Variants in PLAT observed in about 807,000 individuals in gnomAD.
The protein encoded by PLAT is tissue-type plasminogen activator.
Under a neutral mutation model 74.9 loss-of-function variants are expected in PLAT, and 48 were observed. The observed-to-expected ratio is 0.64, with a 90% CI of 0.51 to 0.82. PLAT has a LOEUF of 0.82. Ranked by LOEUF, PLAT falls within the 40% of genes least tolerant of loss-of-function variation. The pLI is 0.00. For missense variants in PLAT, 673 were observed against 736.2 expected, an observed-to-expected ratio of 0.91 and a Z score of 0.99; for synonymous variants, 307 against 294.4, an observed-to-expected ratio of 1.04 and a Z score of -0.44.
chr8:42,189,639 C>T (rs1029396182), intron 3 of PLAT, among the ~76,000 whole-genome samples: 3 of 151,490 alleles, frequency 2.0e-5, no homozygotes, highest in Non-Finnish European at 4.4e-5. Context: ...CACTCTGTCG[C>T]CCAGGCTGGA....
intron 1 of PLAT, among the ~76,000 whole-genome samples, chr8:42,194,909 T>C (rs1430412663): frequency 2.6e-5 from 4 of 151,952 alleles, no homozygotes; most frequent in Non-Finnish European, 2.9e-5. Flanking sequence ...GTCGGAAGAC[T>C]CAGATCTTCC....
chr8:42,191,419 G>T lies in PLAT; in HGVS notation c.73-5C>A. On this transcript the variant is annotated splice_region_variant and splice_polypyrimidine_tract_variant and intron_variant, in intron 2 of 13. Transcript: ENST00000220809. ...TCTGAATCGGGCATGGATTTCCTGCGAAGAAACCAGAGGTGGAGGAAGGAT... is the reference window on the plus strand; with the variant it reads ...TCTGAATCGGGCATGGATTTCCTGCTAAGAAACCAGAGGTGGAGGAAGGAT... 6.2e-7 allele frequency: 1 copy of T among 1,613,932 alleles called. No individual in the cohort carries two copies. The highest frequency in any genetic ancestry group is 8.5e-7 in the Non-Finnish European group (1 of 1,179,826).
intron 1 of PLAT, among the ~76,000 whole-genome samples, chr8:42,201,621 T>C (rs1482040533): frequency 6.6e-6 from 1 of 152,196 alleles, no homozygotes; most frequent in African/African-American, 2.4e-5. Context: ...TAGAACAGTA[T>C]CAACAGGAGC....
chr8:42,184,012 C>A (rs531286753), intron 7 of PLAT, among the ~76,000 whole-genome samples: 6 of 152,152 alleles, frequency 3.9e-5, no homozygotes, highest in Non-Finnish European at 7.4e-5. Context: ...ACAATCATTG[C>A]TCACTGTGGC....
chr8:42,182,089 G>T (rs3747810), intron 8 of PLAT, 67 bp from the exon 9 acceptor site: 83 of 981,670 alleles, frequency 8.5e-5, no homozygotes, highest in Non-Finnish European at 1.2e-4. Flanking sequence ...TAGAGATGGG[G>T]TCTTGCCATG....
intron 1 of PLAT, among the ~76,000 whole-genome samples, chr8:42,205,729 A>G (rs990622581): frequency 1.3e-5 from 2 of 152,150 alleles, no homozygotes; most frequent in Admixed American, 1.3e-4. Context: ...TCTTACATAC[A>G]TTGATTAATG....
rs764826571 is a variant in PLAT, at chr8:42,188,008, C to T, written c.262G>A (p.Glu88Lys). The T allele has an allele frequency of 4.9e-5, 78 of 1,606,880 alleles. No homozygotes were observed. The highest frequency in any genetic ancestry group is 4.0e-4 in the Admixed American group (24 of 59,910). The change falls in exon 5 of 14, where the codon GAG (glutamate) becomes AAG (lysine). Residue 88 changes from glutamate to lysine, a missense_variant. Coordinates refer to ENST00000220809, the MANE Select transcript of PLAT (RefSeq NM_000930.5). Reference sequence around the variant, plus strand: ...GTGCCCCCGTTGAAACACCTTGGCTCGCTGCAACCTGTCAAGTATAAAAAA... The same window carrying T: ...GTGCCCCCGTTGAAACACCTTGGCTTGCTGCAACCTGTCAAGTATAAAAAA... ...CHSVPVKSCS[E>K]PRCFNGGTCQ...
At chr8:42,187,117 A>G (rs1286668144) in intron 6 of PLAT, 5 of 334,740 alleles carry the variant, frequency 1.5e-5, no homozygotes, top group African/African-American at 8.3e-5. Flanking sequence ...TCTATCATCT[A>G]TCTATCACCT....
At chr8:42,181,812 A>T in intron 9 of PLAT, 125 bp downstream of exon 9, 2 of 183,792 alleles carry the variant, frequency 1.1e-5, no homozygotes, top group South Asian at 9.5e-5. Flanking sequence ...CCCCCTCCCC[A>T]CCCAGCCTGG....
rs1804962007 is a variant in PLAT, at chr8:42,176,098, C to T, written c.1584G>A (p.Val528=). 1 of 1,613,946 alleles carries T rather than the reference C, an allele frequency of 6.2e-7. No individual in the cohort carries two copies. The highest frequency in any genetic ancestry group is 8.5e-7 in the Non-Finnish European group (1 of 1,179,894). Residue 528 remains valine, a synonymous_variant, in exon 14 of 14, where the codon GTG becomes GTA. Coordinates refer to ENST00000220809, the MANE Select transcript of PLAT (RefSeq NM_000930.5). ...VCLNDGRMTL[V]GIISWGLGCG... ...AGCCCAGGCCCCAGCTGATGATGCCCACCAAAGTCATGCGGCCATCGTTCA... is the reference window on the plus strand; with the variant it reads ...AGCCCAGGCCCCAGCTGATGATGCCTACCAAAGTCATGCGGCCATCGTTCA...
intron 8 of PLAT, 104 bp downstream of exon 8, chr8:42,182,615 G>T: frequency 3.8e-6 from 3 of 796,144 alleles, no homozygotes; most frequent in South Asian, 3.5e-5. Flanking sequence ...TGCTTCCCAC[G>T]CACTGGGTCT....
In PLAT at chr8:42,191,091, GC is replaced by G. The variant is rs8178736; in HGVS notation, c.115+280del. On this transcript the variant is annotated intron_variant, in intron 3 of 13. Transcript: ENST00000220809. ...TAACCAGGACCTTGGGCCAGTGGCC[GC>G]CCCCCCCAGCCCCCGCTAGGTTGTG... 3.4e-3 allele frequency among the ~76,000 whole-genome samples: 521 copies of G among 151,766 alleles called. 4 individuals carry two copies. The highest frequency in any genetic ancestry group is 0.011 in the African/African-American group (470 of 41,358).
chr8:42,177,721 T>C (rs1041283208), intron 13 of PLAT, among the ~76,000 whole-genome samples: 1 of 152,238 alleles, frequency 6.6e-6, no homozygotes, highest in African/African-American at 2.4e-5. Context: ...AGATAGATAA[T>C]GGTTTCACTT....
At chr8:42,196,870 G>A (rs1426626178) in intron 1 of PLAT, among the ~76,000 whole-genome samples, 1 of 150,962 alleles carries the variant, frequency 6.6e-6, no homozygotes, top group Non-Finnish European at 1.5e-5. Context: ...AAGGAAGGAA[G>A]GGGGTAGGAA....
In PLAT at chr8:42,202,947, G is replaced by T. The variant is rs1022726695; in HGVS notation, c.-27+4547C>A. ...ACGGCTTGGCTCTGGGCCACAGCAA[G>T]CACAGAGCCCCCTACCCATCAGCAC... On this transcript the variant is annotated intron_variant, in intron 1 of 13. Coordinates refer to ENST00000220809, the MANE Select transcript of PLAT (RefSeq NM_000930.5). Among the ~76,000 whole-genome samples, 3 of 152,140 alleles carry T rather than the reference G, an allele frequency of 2.0e-5. No individual in the cohort carries two copies. The South Asian group carries it at 6.2e-4, about 32-fold the overall frequency.
chr8:42,176,378 T>C (rs1804975425), intron 13 of PLAT, among the ~76,000 whole-genome samples: 2 of 152,288 alleles, frequency 1.3e-5, no homozygotes, highest in Admixed American at 6.5e-5. Flanking sequence ...TCCTTCCACA[T>C]CCCAAAGCTT....
chr8:42,200,029 A>G (rs535492582), intron 1 of PLAT, among the ~76,000 whole-genome samples: 1 of 152,332 alleles, frequency 6.6e-6, no homozygotes, highest in African/African-American at 2.4e-5. Flanking sequence ...TCATTGTATC[A>G]TTATATGACT....
rs1447686749 is a variant in PLAT at position 42,194,231 on chromosome 8, AGAGAGAGAGAGTGTGT to A, written c.-26-1036_-26-1021del. Among the ~76,000 whole-genome samples the A allele has an allele frequency of 4.1e-3, 279 of 68,502 alleles. 1 individual carries two copies. Among genetic ancestry groups the A allele is most frequent in the African/African-American group, 9.8e-3 (258 of 26,346 alleles). 44.9% of individuals were successfully genotyped at this position (68,502 alleles called of 152,430 possible). On this transcript the variant is annotated intron_variant, in intron 1 of 13. Transcript: ENST00000220809. Reference sequence around the variant, plus strand: ...GTGCCTGGCTGAGAGAGAGAGAGAGAGAGAGAGAGAGTGTGTGTGTGTGTGTGTGTGTGTGTGTGTG... The same window carrying A: ...GTGCCTGGCTGAGAGAGAGAGAGAGAGTGTGTGTGTGTGTGTGTGTGTGTG...
chr8:42,193,170 T>C lies in PLAT; in HGVS notation c.16A>G (p.Arg6Gly), dbSNP rs1805751751. The change falls in exon 2 of 14, where the codon AGA becomes GGA. Residue 6 changes from arginine to glycine, a missense_variant. Physicochemically the swap from Arg to Gly is moderately radical, Grantham distance 125 (BLOSUM62 -2). Transcript: ENST00000220809. MDAMKRGLCCVLLLCG... is the reference protein window; with the variant it reads MDAMKGGLCCVLLLCG... ...AGCAGCAGCACACAGCAGAGCCCTC[T>C]CTTCATTGCATCCATGATTGCTTCA... The C allele has an allele frequency of 6.2e-7, 1 of 1,613,788 alleles. No individual in the cohort carries two copies. Among genetic ancestry groups the C allele is most frequent in the Non-Finnish European group, 8.5e-7 (1 of 1,179,838 alleles).
Sources: gnomAD v4.1 joint callset for allele counts (sites outside exome capture counted in the v4.1 genomes callset) on GRCh38, gnomAD v4.1.1 for gene constraint, MANE v1.5 for transcripts, NCBI Gene and HGNC (gene_info 2026-07-23, HGNC 2026-07-21) for gene names.